B3GNT4: variants seen among roughly 807,000 people sequenced by gnomAD.
B3GNT4 encodes N-acetyllactosaminide beta-1,3-N-acetylglucosaminyltransferase 4.
In B3GNT4, 2 loss-of-function variants were observed where a neutral mutation model predicts 2.7. That is an observed-to-expected ratio of 0.73 (90% confidence interval 0.30 to 2.31). The LOEUF (loss-of-function observed/expected upper bound fraction) is 2.31. Ranked by LOEUF, B3GNT4 falls within the 30% of genes most tolerant of loss-of-function variation. The pLI, the probability that B3GNT4 is intolerant of heterozygous loss-of-function variation, is 0.12. For missense variants in B3GNT4, 708 were observed against 490.9 expected, an observed-to-expected ratio of 1.44 and a Z score of -4.18; for synonymous variants, 280 against 203.4, an observed-to-expected ratio of 1.38 and a Z score of -3.20.
In B3GNT4 at chr12:122,207,169, CTT is replaced by C. The variant is rs1163557371; in HGVS notation, c.920_921del (p.Phe307CysfsTer36). On this transcript the variant is annotated frameshift_variant, in exon 3 of 3. Coordinates refer to ENST00000324189, the MANE Select transcript of B3GNT4 (RefSeq NM_030765.4). LOFTEE classifies it low-confidence loss of function (END_TRUNC). ...CTGAACTCTTCCCCATTGATGATGTCTTTGTGGGTATGTGCCTGAGGCGGCTG... is the reference window on the plus strand; with the variant it reads ...CTGAACTCTTCCCCATTGATGATGTCTGTGGGTATGTGCCTGAGGCGGCTG... ...DAELFPIDDVFVGMCLRRLGL... is the reference protein window; with the variant it reads ...DAELFPIDDVXVGMCLRRLGL... 6.2e-7 allele frequency: 1 copy of C among 1,613,904 alleles called. No homozygotes were observed. Among genetic ancestry groups the C allele is most frequent in the African/African-American group, 1.3e-5 (1 of 74,914 alleles).
chr12:122,207,787 A>G lies in B3GNT4; in HGVS notation c.*399A>G, dbSNP rs968317097. 1 of 468,814 alleles carries G rather than the reference A, an allele frequency of 2.1e-6. No individual in the cohort carries two copies. Among genetic ancestry groups the G allele is most frequent in the Non-Finnish European group, 4.2e-6 (1 of 237,040 alleles). 29.0% of individuals were successfully genotyped at this position (468,814 alleles called of 1,614,324 possible). A position where few individuals can be genotyped will look rare whatever the true frequency, so the allele number is the denominator to read the frequency against. On this transcript the variant is annotated 3_prime_UTR_variant, in exon 3 of 3. Coordinates refer to ENST00000324189, the MANE Select transcript of B3GNT4 (RefSeq NM_030765.4). ...AAGAGGCCTGTGTTAAGTCCTGTTG[A>G]TGTTAAGTCCTGTTGAGAGCACCAG...
Position 122,203,768 on chromosome 12 carries a change from G to A in B3GNT4, c.-131G>A, listed in dbSNP as rs1288378100. 1.4e-5 allele frequency: 3 copies of A among 215,122 alleles called. No individual in the cohort carries two copies. The highest frequency in any genetic ancestry group is 2.7e-5 in the Non-Finnish European group (3 of 109,580). The allele number at this position is 215,122 out of a possible 1,614,324, so 13.3% of individuals were successfully genotyped here. ...GCCATCCGCCCTGGCTCCGCTGCAC[G>A]AGCTCCACGCCCGTACCCCGGCGTC... On this transcript the variant is annotated 5_prime_UTR_variant, in exon 1 of 3. Transcript: ENST00000324189.
At position 122,206,937 on chromosome 12, in the gene B3GNT4, T is replaced by TA. The variant is rs745507521; in HGVS notation, c.687dup (p.Glu230ArgfsTer28). The TA allele has an allele frequency of 2.7e-4, 442 of 1,613,992 alleles. 1 individual carries two copies. Among genetic ancestry groups the TA allele is most frequent in the East Asian group, 6.0e-4 (27 of 44,878 alleles). On this transcript the variant is annotated frameshift_variant, in exon 3 of 3. Coordinates refer to ENST00000324189, the MANE Select transcript of B3GNT4 (RefSeq NM_030765.4). LOFTEE classifies it low-confidence loss of function (END_TRUNC). The stretch of plus-strand genomic sequence containing the variant: ...GTCTTTGTCCACGTCCCCAACGTGT[T>TA]AGAGTTCCTGGATGGCTGGGACCCA...
rs1409867469 is a variant in B3GNT4 at position 122,208,461 on chromosome 12, C to T, written c.*1073C>T. ...TCCTGTGTTTTCTGACGGAGCTCTT[C>T]TATCTGTGCTTCTGCCAGCTTGGTT... On this transcript the variant is annotated 3_prime_UTR_variant, in exon 3 of 3. Coordinates refer to ENST00000324189, the MANE Select transcript of B3GNT4 (RefSeq NM_030765.4). 1.9e-6 allele frequency: 3 copies of T among 1,614,160 alleles called. No homozygotes were observed. The highest frequency in any genetic ancestry group is 2.5e-6 in the Non-Finnish European group (3 of 1,180,010).
At position 122,204,672 on chromosome 12, in the gene B3GNT4, C is replaced by T. The variant is rs749268524; in HGVS notation, c.54C>T (p.Gly18=). The part of the protein sequence containing the change: ...AAHQGRGGRS[G]LLPKGPAMLC... ...ACCAGGGAAGGGGCGGTAGGAGTGG[C>T]CTTTTACCAAAGGTCAGATTCTTTC... The change falls in exon 2 of 3, where the codon GGC becomes GGT. Residue 18 remains glycine, a synonymous_variant. Coordinates refer to ENST00000324189, the MANE Select transcript of B3GNT4 (RefSeq NM_030765.4). 1.2e-6 allele frequency: 2 copies of T among 1,610,988 alleles called. No individual in the cohort carries two copies. Among genetic ancestry groups the T allele is most frequent in the South Asian group, 2.2e-5 (2 of 91,006 alleles).
chr12:122,206,663 C>T lies in B3GNT4; in HGVS notation c.412C>T (p.Arg138Cys), dbSNP rs1953923146. ...PGHVERRAAI[R>C]STWGRVGGWA... is the part of the protein sequence containing the mutation. Reference sequence around the variant, plus strand: ...TCACGTGGAGCGACGTGCGGCTATCCGCAGCACGTGGGGCAGGGTGGGGGG... The same window carrying T: ...TCACGTGGAGCGACGTGCGGCTATCTGCAGCACGTGGGGCAGGGTGGGGGG... Residue 138 changes from arginine to cysteine, a missense_variant, in exon 3 of 3, where the codon CGC becomes TGC. Transcript: ENST00000324189. The T allele has an allele frequency of 1.2e-5, 20 of 1,613,394 alleles. No individual in the cohort carries two copies. The highest frequency in any genetic ancestry group is 2.2e-5 in the East Asian group (1 of 44,878).
chr12:122,207,555 A>AT lies in B3GNT4; in HGVS notation c.*168dup. The AT allele has an allele frequency of 1.4e-6, 1 of 716,238 alleles. No homozygotes were observed. The highest frequency in any genetic ancestry group is 1.8e-5 in the African/African-American group (1 of 56,032). The allele number at this position is 716,238 out of a possible 1,614,324, so 44.4% of individuals were successfully genotyped here. On this transcript the variant is annotated 3_prime_UTR_variant, in exon 3 of 3. Coordinates refer to ENST00000324189, the MANE Select transcript of B3GNT4 (RefSeq NM_030765.4). ...GCAACCCAGCTAACTTGTCCAGCAT[A>AT]TGTTGAATGGGAGCCAAAGTGTAGC...
In B3GNT4 at chr12:122,207,941, T is replaced by G. The variant is rs774233824; in HGVS notation, c.*553T>G. ...ATACATACAAAGAAATCGTACAAAC[T>G]GGACAGGTTCCCCTCCCCCTGCCAC... On this transcript the variant is annotated 3_prime_UTR_variant, in exon 3 of 3. Transcript: ENST00000324189. 2.2e-6 allele frequency: 1 copy of G among 463,038 alleles called. No homozygotes were observed. The highest frequency in any genetic ancestry group is 1.5e-5 in the South Asian group (1 of 64,552). 28.7% of individuals were successfully genotyped at this position (463,038 alleles called of 1,614,324 possible).
Position 122,208,922 on chromosome 12 carries a change from T to G in B3GNT4, c.*1534T>G. 2.6e-6 allele frequency: 1 copy of G among 382,548 alleles called. No individual in the cohort carries two copies. The highest frequency in any genetic ancestry group is 5.0e-6 in the Non-Finnish European group (1 of 198,168). 23.7% of individuals were successfully genotyped at this position (382,548 alleles called of 1,614,324 possible). A position where few individuals can be genotyped will look rare whatever the true frequency, so the allele number is the denominator to read the frequency against. ...CTTCCATTTCTTTTTGACAAAGAGATCATGAATAAAATTGTCAAAGATCCC... is the reference window on the plus strand; with the variant it reads ...CTTCCATTTCTTTTTGACAAAGAGAGCATGAATAAAATTGTCAAAGATCCC... On this transcript the variant is annotated 3_prime_UTR_variant, in exon 3 of 3. Coordinates refer to ENST00000324189, the MANE Select transcript of B3GNT4 (RefSeq NM_030765.4).
chr12:122,206,182 G>A (rs1334038321), intron 2 of B3GNT4, 136 bp from the exon 3 acceptor site: 1 of 680,588 alleles, frequency 1.5e-6, no homozygotes, highest in Non-Finnish European at 2.4e-6. Context: ...TCTGGAAAGA[G>A]CCTGAGGATA....
chr12:122,206,452 TCCC>T lies in B3GNT4; in HGVS notation c.204_206del (p.Pro69del), dbSNP rs777790566. On this transcript the variant is annotated inframe_deletion, in exon 3 of 3. Coordinates refer to ENST00000324189, the MANE Select transcript of B3GNT4 (RefSeq NM_030765.4). ...CCACGGCCCACCAGCCTTTCTGGGC[TCCC>T]CCAACACCCCGTCACAGCCGGTGTC... The T allele has an allele frequency of 1.4e-5, 22 of 1,613,838 alleles. No homozygotes were observed. The highest frequency in any genetic ancestry group is 1.8e-5 in the Non-Finnish European group (21 of 1,179,956).
Position 122,204,537 on chromosome 12 carries a change from C to A in B3GNT4, c.-82C>A. 8.2e-7 allele frequency: 1 copy of A among 1,223,702 alleles called. No homozygotes were observed. Among genetic ancestry groups the A allele is most frequent in the Non-Finnish European group, 1.2e-6 (1 of 843,248 alleles). The allele number at this position is 1,223,702 out of a possible 1,614,324, so 75.8% of individuals were successfully genotyped here. A position where few individuals can be genotyped will look rare whatever the true frequency, so the allele number is the denominator to read the frequency against. On this transcript the variant is annotated 5_prime_UTR_variant, in exon 2 of 3. Transcript: ENST00000324189. ...TCGTCCACAGCCCGCGGTGCTCGCA[C>A]ACCTGAGACTCATCTCGCTTCGACC...
rs1430629920 is a variant in B3GNT4 at position 122,207,260 on chromosome 12, T to C, written c.1009T>C (p.Leu337=). 3 of 1,614,000 alleles carry C rather than the reference T, an allele frequency of 1.9e-6. No homozygotes were observed. Reference sequence around the variant, plus strand: ...TGGAATCCGGCGGCCCCTGGACCCCTTAGACCCCTGCCTGTATAGGGGGCT... The same window carrying C: ...TGGAATCCGGCGGCCCCTGGACCCCCTAGACCCCTGCCTGTATAGGGGGCT... ...TFGIRRPLDP[L]DPCLYRGLLL... The change falls in exon 3 of 3, where the codon TTA becomes CTA. Residue 337 remains leucine, a synonymous_variant. Transcript: ENST00000324189.
At position 122,206,565 on chromosome 12, in the gene B3GNT4, T is replaced by A; in HGVS notation, c.314T>A (p.Phe105Tyr). 6.2e-7 allele frequency: 1 copy of A among 1,614,194 alleles called. No individual in the cohort carries two copies. Among genetic ancestry groups the A allele is most frequent in the East Asian group, 2.2e-5 (1 of 44,878 alleles). ...LFLTYRHCRNFSILLEPSGCS... is the reference protein window; with the variant it reads ...LFLTYRHCRNYSILLEPSGCS... ...TTGACCTATCGTCACTGCCGAAATT[T>A]CTCTATCTTGCTGGAGCCTTCAGGC... is the stretch of plus-strand genomic sequence containing the variant. Residue 105 changes from phenylalanine to tyrosine, a missense_variant, in exon 3 of 3, where the codon TTC (phenylalanine) becomes TAC (tyrosine). Coordinates refer to ENST00000324189, the MANE Select transcript of B3GNT4 (RefSeq NM_030765.4).
In B3GNT4 at chr12:122,207,113, G is replaced by A. The variant is rs897543888; in HGVS notation, c.862G>A (p.Val288Met). Reference protein sequence around the residue: ...GGGYVMSRATVRRLQAIMEDA... With the variant: ...GGGYVMSRATMRRLQAIMEDA... ...AGGATATGTCATGTCCAGAGCCACAGTGCGGCGCCTCCAGGCTATCATGGA... is the reference window on the plus strand; with the variant it reads ...AGGATATGTCATGTCCAGAGCCACAATGCGGCGCCTCCAGGCTATCATGGA... The change falls in exon 3 of 3, where the codon GTG (valine) becomes ATG (methionine). Residue 288 changes from valine to methionine, a missense_variant. Val to Met is a conservative substitution (Grantham distance 21). Transcript: ENST00000324189. 1.9e-6 allele frequency: 3 copies of A among 1,614,164 alleles called. No homozygotes were observed. Among genetic ancestry groups the A allele is most frequent in the East Asian group, 4.5e-5 (2 of 44,884 alleles).
chr12:122,206,838 AGGAGC>A lies in B3GNT4; in HGVS notation c.588_592del (p.Lys196AsnfsTer22). The A allele has an allele frequency of 6.2e-7, 1 of 1,613,584 alleles. No individual in the cohort carries two copies. On this transcript the variant is annotated frameshift_variant, in exon 3 of 3. Transcript: ENST00000324189. LOFTEE classifies it low-confidence loss of function (END_TRUNC). ...GAGGACTTCTTCAACCTGACGCTCAAGGAGCTGCACCTGCAGCGCTGGGTGGTGGC... is the reference window on the plus strand; with the variant it reads ...GAGGACTTCTTCAACCTGACGCTCAATGCACCTGCAGCGCTGGGTGGTGGC...
In B3GNT4 at chr12:122,207,153, T is replaced by C; in HGVS notation, c.902T>C (p.Phe301Ser). ...GCTATCATGGAAGATGCTGAACTCTTCCCCATTGATGATGTCTTTGTGGGT... is the reference window on the plus strand; with the variant it reads ...GCTATCATGGAAGATGCTGAACTCTCCCCCATTGATGATGTCTTTGTGGGT... ...LQAIMEDAEL[F>S]PIDDVFVGMC... Residue 301 changes from phenylalanine (F) to serine (S), a missense_variant, in exon 3 of 3, where the codon TTC becomes TCC. Physicochemically the swap from Phe to Ser is radical, Grantham distance 155. Coordinates refer to ENST00000324189, the MANE Select transcript of B3GNT4 (RefSeq NM_030765.4). 6.2e-7 allele frequency: 1 copy of C among 1,614,096 alleles called. No homozygotes were observed. The highest frequency in any genetic ancestry group is 8.5e-7 in the Non-Finnish European group (1 of 1,180,012).
In B3GNT4 at chr12:122,207,498, C is replaced by T; in HGVS notation, c.*110C>T. 2 of 1,003,438 alleles carry T rather than the reference C, an allele frequency of 2.0e-6. No homozygotes were observed. Among genetic ancestry groups the T allele is most frequent in the South Asian group, 1.7e-5 (1 of 58,126 alleles). The allele number at this position is 1,003,438 out of a possible 1,614,324, so 62.2% of individuals were successfully genotyped here. A position where few individuals can be genotyped will look rare whatever the true frequency, so the allele number is the denominator to read the frequency against. ...AAATGCCAACTTGGTTTTTTAACTCCTCTCACCCTGTTAGCTCTGATTAAA... is the reference window on the plus strand; with the variant it reads ...AAATGCCAACTTGGTTTTTTAACTCTTCTCACCCTGTTAGCTCTGATTAAA... On this transcript the variant is annotated 3_prime_UTR_variant, in exon 3 of 3. Transcript: ENST00000324189.
chr12:122,206,394 T>C lies in B3GNT4; in HGVS notation c.143T>C (p.Phe48Ser). The C allele has an allele frequency of 6.2e-7, 1 of 1,612,876 alleles. No homozygotes were observed. The highest frequency in any genetic ancestry group is 8.5e-7 in the Non-Finnish European group (1 of 1,179,794). ...GTGCTGTTGCTCGGCTGCCTGCTCT[T>C]CCTGAGGAAGGCGGCCAAGCCCGCA... Reference protein sequence around the residue: ...LAVLLLGCLLFLRKAAKPAGD... With the variant: ...LAVLLLGCLLSLRKAAKPAGD... Residue 48 changes from phenylalanine to serine, a missense_variant, in exon 3 of 3, where the codon TTC (phenylalanine) becomes TCC (serine). Coordinates refer to ENST00000324189, the MANE Select transcript of B3GNT4 (RefSeq NM_030765.4).
Sources: allele counts gnomAD v4.1 joint callset, GRCh38; gene constraint gnomAD v4.1.1; transcripts MANE v1.5; gene names NCBI Gene and HGNC (gene_info 2026-07-23, HGNC 2026-07-21).